PCDH7: variants seen among roughly 807,000 people sequenced by gnomAD.
PCDH7 encodes protocadherin 7, also known as protocadherin-7.
In PCDH7, 17 loss-of-function variants were observed where a neutral mutation model predicts 58.9. That is an observed-to-expected ratio of 0.29 (90% CI 0.20 to 0.43). The LOEUF is 0.43. PCDH7 is among the 20% of genes least tolerant of loss of function. The probability of loss-of-function intolerance (pLI) is 1.00; values close to 1 mark genes in which losing one functional copy is unlikely to be tolerated. For missense variants in PCDH7, 1,274 were observed against 1,441.0 expected, an observed-to-expected ratio of 0.88 and a Z score of 1.88; for synonymous variants, 664 against 616.4, an observed-to-expected ratio of 1.08 and a Z score of -1.14.
intron 1 of PCDH7, among the ~76,000 whole-genome samples, chr4:30,799,898 G>C (rs1461879280): frequency 1.3e-5 from 2 of 150,132 alleles, no homozygotes; most frequent in African/African-American, 2.5e-5. Flanking sequence ...CTGTCACCCA[G>C]GCTGGAGTGC....
intron 3 of PCDH7, among the ~76,000 whole-genome samples, chr4:31,054,148 A>G (rs1352622287): frequency 1.3e-5 from 2 of 152,048 alleles, no homozygotes; most frequent in East Asian, 1.9e-4. Context: ...GTGTTTTTGT[A>G]GAGATGGGGG....
chr4:31,028,468 T>C (rs183948112), intron 3 of PCDH7, among the ~76,000 whole-genome samples: 2 of 152,230 alleles, frequency 1.3e-5, no homozygotes, highest in Non-Finnish European at 2.9e-5. Flanking sequence ...CTGGGCAATA[T>C]AGTGAGACCC....
intron 2 of PCDH7, among the ~76,000 whole-genome samples, chr4:30,949,594 GTTAAA>G (rs1747124250): frequency 6.6e-6 from 1 of 152,024 alleles, no homozygotes; most frequent in African/African-American, 2.4e-5. Flanking sequence ...TAGGGATTCT[GTTAAA>G]TTAATTTTTT....
At chr4:31,118,255 G>A (rs901352181) in intron 3 of PCDH7, among the ~76,000 whole-genome samples, 1 of 152,188 alleles carries the variant, frequency 6.6e-6, no homozygotes, top group Non-Finnish European at 1.5e-5. Flanking sequence ...GGTAAATTAT[G>A]ATGAAAGCTC....
At chr4:30,774,116 T>G (rs1721762692) in intron 1 of PCDH7, among the ~76,000 whole-genome samples, 1 of 152,200 alleles carries the variant, frequency 6.6e-6, no homozygotes. Flanking sequence ...GCTTTCTGAC[T>G]TTTCTCTGAC....
chr4:30,920,121 C>G, intron 1 of PCDH7, 32 bp from the exon 2 acceptor site: 1 of 1,343,060 alleles, frequency 7.4e-7, no homozygotes, highest in Non-Finnish European at 1.0e-6. Flanking sequence ...AATCTTACAT[C>G]GTAGTGACAT....
At chr4:31,008,282 T>C (rs1752934049) in intron 3 of PCDH7, among the ~76,000 whole-genome samples, 1 of 152,186 alleles carries the variant, frequency 6.6e-6, no homozygotes, top group Admixed American at 6.6e-5. Context: ...GTTTATTACT[T>C]GGACAAAAAC....
At chr4:30,898,248 G>A (rs1486645029) in intron 1 of PCDH7, among the ~76,000 whole-genome samples, 2 of 152,086 alleles carry the variant, frequency 1.3e-5, no homozygotes, top group Non-Finnish European at 2.9e-5. Context: ...TCTGCCATCG[G>A]TATAAAACCT....
intron 1 of PCDH7, among the ~76,000 whole-genome samples, chr4:30,852,280 A>T (rs140037038): frequency 2.6e-5 from 4 of 152,090 alleles, no homozygotes; most frequent in African/African-American, 9.7e-5. Flanking sequence ...CCCTTTGTTT[A>T]TATGTAGATA....
intron 3 of PCDH7, among the ~76,000 whole-genome samples, chr4:30,974,902 C>T (rs1353063090): frequency 6.6e-6 from 1 of 152,068 alleles, no homozygotes; most frequent in Non-Finnish European, 1.5e-5. Context: ...ATTTAGTTGG[C>T]TTGTATTTCT....
chr4:31,036,700 G>T (rs982327764), intron 3 of PCDH7, among the ~76,000 whole-genome samples: 2 of 152,130 alleles, frequency 1.3e-5, no homozygotes, highest in Admixed American at 6.6e-5. Flanking sequence ...ACTCTGTTGT[G>T]CTTGTAACTC....
In PCDH7 at chr4:30,987,289, C is replaced by A. The variant is rs60714131; in HGVS notation, c.*7+37074C>A. On this transcript the variant is annotated intron_variant, in intron 3 of 3. Transcript: ENST00000509759. Reference sequence around the variant, plus strand: ...GTTAGGAAAAAGTAATAATCCATATCTATTTTATACCAGGTTTTTACTTGA... The same window carrying A: ...GTTAGGAAAAAGTAATAATCCATATATATTTTATACCAGGTTTTTACTTGA... Among the ~76,000 whole-genome samples the A allele has an allele frequency of 4.3e-3, 658 of 152,066 alleles. 7 individuals are homozygous for A. The highest frequency in any genetic ancestry group is 0.015 in the African/African-American group (632 of 41,488).
chr4:31,095,010 A>G, intron 3 of PCDH7, among the ~76,000 whole-genome samples: 1 of 150,196 alleles, frequency 6.7e-6, no homozygotes, highest in Admixed American at 6.7e-5. Flanking sequence ...AGGTGAAAAA[A>G]TCAAACAGAG....
chr4:30,763,496 A>T (rs1223855157), intron 1 of PCDH7, among the ~76,000 whole-genome samples: 2 of 152,232 alleles, frequency 1.3e-5, no homozygotes. Context: ...ATAAACACGG[A>T]GGCTTAGAAA....
At chr4:30,776,408 G>A (rs1357642552) in intron 1 of PCDH7, 2 of 152,210 alleles carry the variant, frequency 1.3e-5, no homozygotes, top group Non-Finnish European at 2.9e-5. Flanking sequence ...TGACAACTTT[G>A]AAAAATTGGA....
intron 1 of PCDH7, among the ~76,000 whole-genome samples, chr4:30,827,395 C>T (rs558863011): frequency 6.6e-6 from 1 of 152,230 alleles, no homozygotes; most frequent in South Asian, 2.1e-4. Flanking sequence ...AAGTCTCTGT[C>T]TGTAAAGACT....
chr4:30,878,847 T>A (rs1736608373), intron 1 of PCDH7, among the ~76,000 whole-genome samples: 1 of 152,000 alleles, frequency 6.6e-6, no homozygotes, highest in Non-Finnish European at 1.5e-5. Context: ...TGAAACTCTG[T>A]CTCAAAACAA....
chr4:30,919,369 A>C (rs537924364), intron 1 of PCDH7, among the ~76,000 whole-genome samples: 3 of 152,282 alleles, frequency 2.0e-5, no homozygotes, highest in African/African-American at 4.8e-5. Flanking sequence ...CAGTCCAGCC[A>C]TTGTCAGTAA....
intron 1 of PCDH7, among the ~76,000 whole-genome samples, chr4:30,822,288 G>C (rs1171619139): frequency 1.3e-5 from 2 of 152,098 alleles, no homozygotes; most frequent in East Asian, 3.8e-4. Context: ...AAAATTTGAA[G>C]CTTTGCCTGA....
Sources: allele counts gnomAD v4.1 joint callset (sites outside exome capture counted in the v4.1 genomes callset), GRCh38; gene constraint gnomAD v4.1.1; transcripts MANE v1.5; gene names NCBI Gene and HGNC (gene_info 2026-07-23, HGNC 2026-07-21).